Variants in DLG2 observed in about 807,000 individuals in gnomAD.
DLG2 encodes the protein discs large MAGUK scaffold protein 2, also known as disks large homolog 2.
In DLG2, 45 loss-of-function variants were observed where a neutral mutation model predicts 132.5. The ratio of observed to expected loss-of-function variants is 0.34; its 90% confidence interval spans 0.27 to 0.44. The LOEUF (loss-of-function observed/expected upper bound fraction) is 0.44, where lower values mean the gene tolerates loss of function less well. Among genes scored for constraint, DLG2 ranks in the 20% least tolerant of loss-of-function variants. DLG2 has a pLI of 1.00. For missense variants in DLG2, 1,045 were observed against 1,196.9 expected (o/e 0.87, Z 1.87); for synonymous variants, 424 against 419.6 (o/e 1.01, Z -0.13).
At chr11:83,489,954 T>A (rs1050406282) in intron 21 of DLG2, among the ~76,000 whole-genome samples, 1 of 127,244 alleles carries the variant, frequency 7.9e-6, no homozygotes, top group African/African-American at 2.8e-5. Flanking sequence ...ATTAGAGGCA[T>A]GAGATATAAA....
At chr11:83,838,668 A>G (rs111446436) in intron 16 of DLG2, among the ~76,000 whole-genome samples, 1 of 152,172 alleles carries the variant, frequency 6.6e-6, no homozygotes, top group African/African-American at 2.4e-5. Flanking sequence ...CATTCCATCA[A>G]CACTAGCTCC....
intron 11 of DLG2, among the ~76,000 whole-genome samples, chr11:84,038,623 C>T (rs980971067): frequency 6.6e-6 from 1 of 152,072 alleles, no homozygotes; most frequent in Non-Finnish European, 1.5e-5. Flanking sequence ...GGGGCAACTA[C>T]TGTTGTCAGT....
chr11:85,441,503 C>T (rs997009164), intron 3 of DLG2, among the ~76,000 whole-genome samples: 1 of 152,146 alleles, frequency 6.6e-6, no homozygotes, highest in South Asian at 2.1e-4. Context: ...GTAATACTCT[C>T]CAAATTGGTA....
At chr11:85,467,192 G>C (rs1035087142) in intron 3 of DLG2, among the ~76,000 whole-genome samples, 4 of 152,176 alleles carry the variant, frequency 2.6e-5, no homozygotes, top group Admixed American at 1.3e-4. Flanking sequence ...TTGCCTATCA[G>C]CTTAAGGAGA....
chr11:84,714,647 T>TCTCTCTCTCTCTCTCTCTCTCTCTCTCTC (rs2060981509), intron 6 of DLG2, among the ~76,000 whole-genome samples: 1 of 90,650 alleles, frequency 1.1e-5, no homozygotes, highest in African/African-American at 5.9e-5. Flanking sequence ...CTCTCTCTCT[T>TCTCTCTCTCTCTCTCTCTCTCTCTCTCTC]TCTCTCTCTC....
At chr11:84,377,345 G>C (rs938519136) in intron 7 of DLG2, among the ~76,000 whole-genome samples, 1 of 151,880 alleles carries the variant, frequency 6.6e-6, no homozygotes, top group African/African-American at 2.4e-5. Flanking sequence ...TTAAAAGAAA[G>C]CACCACCACC....
At chr11:83,592,208 A>G (rs958166806) in intron 19 of DLG2, among the ~76,000 whole-genome samples, 11 of 151,032 alleles carry the variant, frequency 7.3e-5, no homozygotes, top group African/African-American at 2.4e-4. Flanking sequence ...CAAAAGAACA[A>G]AGCTGGAGGC....
chr11:84,639,514 A>G (rs969343843), intron 6 of DLG2, among the ~76,000 whole-genome samples: 1 of 152,166 alleles, frequency 6.6e-6, no homozygotes, highest in African/African-American at 2.4e-5. Context: ...CTTGACCTCA[A>G]GCCTTGTAAA....
chr11:84,952,009 G>C (rs1203198553), intron 6 of DLG2, among the ~76,000 whole-genome samples: 1 of 152,160 alleles, frequency 6.6e-6, no homozygotes, highest in Non-Finnish European at 1.5e-5. Context: ...ATTTTCTCCA[G>C]AGTGGTCCTC....
chr11:84,378,547 A>G (rs562956109), intron 7 of DLG2, among the ~76,000 whole-genome samples: 3 of 152,112 alleles, frequency 2.0e-5, no homozygotes, highest in South Asian at 2.1e-4. Context: ...AATGGGGGGA[A>G]AAATCTCGCC....
intron 6 of DLG2, among the ~76,000 whole-genome samples, chr11:84,829,330 T>C (rs2078727317): frequency 6.6e-6 from 1 of 151,664 alleles, no homozygotes; most frequent in Non-Finnish European, 1.5e-5. Flanking sequence ...TATTTTTCTC[T>C]GCCTGAAGAC....
intron 3 of DLG2, among the ~76,000 whole-genome samples, chr11:85,499,738 C>A (rs2093752752): frequency 6.6e-6 from 1 of 152,144 alleles, no homozygotes; most frequent in South Asian, 2.1e-4. Flanking sequence ...CAAAAAACAG[C>A]CTATCCACCA....
At chr11:84,502,451 A>G (rs1189242060) in intron 7 of DLG2, among the ~76,000 whole-genome samples, 5 of 143,544 alleles carry the variant, frequency 3.5e-5, no homozygotes, top group Non-Finnish European at 7.5e-5. Flanking sequence ...GGCTAAGTGC[A>G]GTGTCTCAAT....
intron 7 of DLG2, among the ~76,000 whole-genome samples, chr11:84,502,479 T>A (rs374262772): frequency 6.7e-6 from 1 of 149,336 alleles, no homozygotes; most frequent in South Asian, 2.1e-4. Context: ...CACTGCAGCC[T>A]CCATCTCCCA....
intron 6 of DLG2, among the ~76,000 whole-genome samples, chr11:84,645,851 G>A (rs889256078): frequency 1.3e-5 from 2 of 152,110 alleles, no homozygotes; most frequent in Admixed American, 6.5e-5. Context: ...TTAATTGCAC[G>A]CACTCCAGTA....
In DLG2 at chr11:85,588,110, C is replaced by T. The variant is rs192275619; in HGVS notation, c.40+10547G>A. ...TCCTTTATAGGTTACCTGATGCTTT[C>T]GCCTCACAGCTCTTGAGATTCTTTC... On this transcript the variant is annotated intron_variant, in intron 3 of 27. Transcript: ENST00000376104. Among the ~76,000 whole-genome samples the T allele has an allele frequency of 2.4e-3, 364 of 152,238 alleles. 2 individuals carry two copies. The highest frequency in any genetic ancestry group is 8.2e-3 in the African/African-American group (342 of 41,542).
At chr11:84,099,717 G>C (rs2092246870) in intron 9 of DLG2, among the ~76,000 whole-genome samples, 1 of 148,850 alleles carries the variant, frequency 6.7e-6, no homozygotes, top group African/African-American at 2.5e-5. Flanking sequence ...GTAGATTATA[G>C]TAACTGATAT....
rs550321854 is a variant in DLG2 at position 84,801,751 on chromosome 11, T to G, written c.358-267020A>C. Among the ~76,000 whole-genome samples the G allele has an allele frequency of 1.9e-3, 291 of 152,282 alleles. 3 individuals carry two copies. Among genetic ancestry groups the G allele is most frequent in the African/African-American group, 6.6e-3 (276 of 41,554 alleles). On this transcript the variant is annotated intron_variant, in intron 6 of 27. Transcript: ENST00000376104. ...CATAACCATAAAATACTTAAAGTCT[T>G]AAATGGCCAAAGCCTTTAAACTACA...
At chr11:84,092,834 G>A (rs147752426) in intron 10 of DLG2, among the ~76,000 whole-genome samples, 3,650 of 151,962 alleles carry the variant, frequency 0.024, 138 homozygotes, top group African/African-American at 0.083. Context: ...TCAGGAGTTC[G>A]AGACAAGCCT....
Sources: gnomAD v4.1 joint callset for allele counts (sites outside exome capture counted in the v4.1 genomes callset) on GRCh38, gnomAD v4.1.1 for gene constraint, MANE v1.5 for transcripts, NCBI Gene and HGNC (gene_info 2026-07-23, HGNC 2026-07-21) for gene names.